UGT1A7: variants seen among roughly 807,000 people sequenced by gnomAD.
UGT1A7 encodes the protein UDP-glucuronosyltransferase 1A7.
Under a neutral mutation model 45.6 loss-of-function variants are expected in UGT1A7, and 33 were observed. The observed-to-expected ratio is 0.72, with a 90% confidence interval of 0.55 to 0.97. UGT1A7 has a LOEUF of 0.97. UGT1A7 is among the 50% of genes least tolerant of loss of function. The pLI, the probability that UGT1A7 is intolerant of heterozygous loss-of-function variation, is 0.00. For synonymous variants in UGT1A7, 274 were observed against 250.6 expected, an observed-to-expected ratio of 1.09 and a Z score of -0.88; for missense variants, 684 against 666.2, an observed-to-expected ratio of 1.03 and a Z score of -0.29.
At chr2:233,742,158 AC>A (rs1177147410) in intron 1 of UGT1A7, among the ~76,000 whole-genome samples, 1 of 151,894 alleles carries the variant, frequency 6.6e-6, no homozygotes, top group Non-Finnish European at 1.5e-5. Flanking sequence ...CGAATTAAAG[AC>A]ACACACACAG....
chr2:233,712,147 G>C (rs1170560500), intron 1 of UGT1A7, among the ~76,000 whole-genome samples: 1 of 152,218 alleles, frequency 6.6e-6, no homozygotes, highest in African/African-American at 2.4e-5. Flanking sequence ...GCATTCAGAA[G>C]AGGAATTCAG....
chr2:233,724,360 G>A (rs1455285943), intron 1 of UGT1A7, among the ~76,000 whole-genome samples: 4 of 146,466 alleles, frequency 2.7e-5, no homozygotes, highest in South Asian at 2.3e-4. Flanking sequence ...CCTCCCTCCC[G>A]GACGGGGTGG....
chr2:233,728,156 C>T (rs2077686156), intron 1 of UGT1A7, among the ~76,000 whole-genome samples: 1 of 152,250 alleles, frequency 6.6e-6, no homozygotes, highest in Non-Finnish European at 1.5e-5. Context: ...GCAGCCCATT[C>T]TGTTCTGGAG....
At chr2:233,708,628 G>C (rs985761957) in intron 1 of UGT1A7, 8 of 152,152 alleles carry the variant, frequency 5.3e-5, no homozygotes, top group Non-Finnish European at 1.2e-4. Context: ...GCGTGTGCCT[G>C]TAGACCTAAC....
intron 1 of UGT1A7, among the ~76,000 whole-genome samples, chr2:233,712,313 A>G (rs2076226072): frequency 6.6e-6 from 1 of 150,438 alleles, no homozygotes. Context: ...AGAATCCTCA[A>G]CAAAGCCTTT....
Position 233,730,035 on chromosome 2 carries a change from A to T in UGT1A7, c.856-36999A>T, listed in dbSNP as rs45599733. The T allele has an allele frequency of 1.0e-3, 1,658 of 1,613,028 alleles. 11 individuals are homozygous for T. In the African/African-American group the frequency reaches 0.02, roughly 19 times the overall value. ...TCATCCAATCAATGTTCCAGGCAAA[A>T]CACTTTTTAAAAAAATGTATTTATT... is the stretch of plus-strand genomic sequence containing the variant. On this transcript the variant is annotated intron_variant, in intron 1 of 4. Transcript: ENST00000373426.
chr2:233,765,074 T>C (rs1191317330), intron 1 of UGT1A7, among the ~76,000 whole-genome samples: 1 of 152,100 alleles, frequency 6.6e-6, no homozygotes, highest in African/African-American at 2.4e-5. Context: ...GTCTCCTGTG[T>C]CTCACATCTA....
At chr2:233,761,090 T>A in intron 1 of UGT1A7, 1 of 1,614,218 alleles carries the variant, frequency 6.2e-7, no homozygotes, top group Admixed American at 1.7e-5. Flanking sequence ...CCTAGGCCCA[T>A]CATGCCCAAT....
rs1399932321 is a variant in UGT1A7, at chr2:233,747,632, C to A, written c.856-19402C>A. 22 of 1,580,286 alleles carry A rather than the reference C, an allele frequency of 1.4e-5. No homozygotes were observed. In the Admixed American group the frequency reaches 1.8e-4, roughly 13 times the overall value. On this transcript the variant is annotated intron_variant, in intron 1 of 4. Transcript: ENST00000373426. ...TGCATAATGAGGCCCTGATCAGGCA[C>A]CTGAATGCTACTTCCTTCGATGTGG...
At chr2:233,761,629 C>A (rs1415462603) in intron 1 of UGT1A7, among the ~76,000 whole-genome samples, 1 of 152,252 alleles carries the variant, frequency 6.6e-6, no homozygotes, top group Admixed American at 6.5e-5. Flanking sequence ...GAAGCTAAAT[C>A]CTGCAGTCCG....
chr2:233,683,632 T>G (rs1032548922), intron 1 of UGT1A7, among the ~76,000 whole-genome samples: 5 of 152,178 alleles, frequency 3.3e-5, no homozygotes, highest in Admixed American at 1.3e-4. Flanking sequence ...TTTCCATAAA[T>G]AAAATTTTGC....
intron 1 of UGT1A7, among the ~76,000 whole-genome samples, chr2:233,700,484 T>C (rs1254737462): frequency 6.6e-6 from 1 of 152,090 alleles, no homozygotes; most frequent in Non-Finnish European, 1.5e-5. Context: ...TCAACATGAG[T>C]ACATAAAAGC....
intron 1 of UGT1A7, chr2:233,761,239 G>A (rs147865713): frequency 6.2e-7 from 1 of 1,612,198 alleles, no homozygotes; most frequent in Admixed American, 1.7e-5. Context: ...TATATGCTGA[G>A]CAAGCATTCT....
chr2:233,704,256 C>CCTT (rs1553607929), intron 1 of UGT1A7, among the ~76,000 whole-genome samples: 3 of 123,680 alleles, frequency 2.4e-5, no homozygotes, highest in African/African-American at 9.8e-5. Context: ...GCCTTTATTG[C>CCTT]TTTTTTTTTT....
chr2:233,767,285 T>G, intron 2 of UGT1A7, 120 bp downstream of exon 2: 4 of 1,569,258 alleles, frequency 2.5e-6, no homozygotes, highest in Non-Finnish European at 3.4e-6. Flanking sequence ...CCCTGCCACT[T>G]CCCAACTATT....
At position 233,768,342 on chromosome 2, in the gene UGT1A7, C is replaced by A. The variant is rs778766461; in HGVS notation, c.1198C>A (p.Arg400Ser). ...LFGDQMDNAK[R>S]METKGAGVTL... ...TGGTGATCAGATGGACAATGCAAAGCGCATGGAGACTAAGGGAGCTGGAGT... is the reference window on the plus strand; with the variant it reads ...TGGTGATCAGATGGACAATGCAAAGAGCATGGAGACTAAGGGAGCTGGAGT... The change falls in exon 4 of 5, where the codon CGC becomes AGC. Residue 400 changes from arginine (R) to serine (S), a missense_variant. By Grantham distance (110) the Arg-to-Ser change is moderately radical. Coordinates refer to ENST00000373426, the MANE Select transcript of UGT1A7 (RefSeq NM_019077.3). 6.2e-7 allele frequency: 1 copy of A among 1,613,974 alleles called. No individual in the cohort carries two copies. Among genetic ancestry groups the A allele is most frequent in the Non-Finnish European group, 8.5e-7 (1 of 1,180,048 alleles).
At chr2:233,759,367 G>A (rs1697118309) in intron 1 of UGT1A7, among the ~76,000 whole-genome samples, 1 of 152,146 alleles carries the variant, frequency 6.6e-6, no homozygotes, top group Admixed American at 6.5e-5. Flanking sequence ...CTATAAAAAG[G>A]TACAGGTTTT....
chr2:233,749,095 G>A (rs535774350), intron 1 of UGT1A7, among the ~76,000 whole-genome samples: 9 of 151,904 alleles, frequency 5.9e-5, no homozygotes, highest in Admixed American at 5.2e-4. Context: ...TGTATTTCAT[G>A]AGAGAATTCA....
At chr2:233,712,759 G>A (rs897356928) in intron 1 of UGT1A7, among the ~76,000 whole-genome samples, 48 of 152,058 alleles carry the variant, frequency 3.2e-4, no homozygotes, top group Admixed American at 2.4e-3. Flanking sequence ...CAGAGCGAGC[G>A]CAAGGTCAGA....
Sources: gnomAD v4.1 joint callset for allele counts (sites outside exome capture counted in the v4.1 genomes callset) on GRCh38, gnomAD v4.1.1 for gene constraint, MANE v1.5 for transcripts, NCBI Gene and HGNC (gene_info 2026-07-23, HGNC 2026-07-21) for gene names.